Variants in TRPM3 observed in about 807,000 individuals in gnomAD.
TRPM3 encodes the protein transient receptor potential cation channel subfamily M member 3, also known as long transient receptor potential channel 3.
Under a neutral mutation model 181.2 loss-of-function variants are expected in TRPM3, and 77 were observed. That is an observed-to-expected ratio of 0.42 (90% CI 0.35 to 0.51). The LOEUF is 0.51. Among genes scored for constraint, TRPM3 ranks in the 20% least tolerant of loss-of-function variants. TRPM3 has a pLI of 0.01. For missense variants in TRPM3, 1,759 were observed against 2,196.7 expected (o/e 0.80, Z 3.98); for synonymous variants, 745 against 796.4 (o/e 0.94, Z 1.09).
chr9:70,958,487 A>G (rs2097102607), intron 1 of TRPM3, among the ~76,000 whole-genome samples: 1 of 151,992 alleles, frequency 6.6e-6, no homozygotes, highest in Non-Finnish European at 1.5e-5. Context: ...CTGGTGTGAG[A>G]TGGTATCTCA....
At chr9:70,909,156 A>G (rs950641777) in intron 1 of TRPM3, among the ~76,000 whole-genome samples, 4 of 152,264 alleles carry the variant, frequency 2.6e-5, no homozygotes, top group Non-Finnish European at 5.9e-5. Flanking sequence ...TGTAAGAAAT[A>G]AAATGCAAGT....
At chr9:70,630,537 G>A (rs2065631061) in intron 12 of TRPM3, among the ~76,000 whole-genome samples, 2 of 152,220 alleles carry the variant, frequency 1.3e-5, no homozygotes, top group South Asian at 4.1e-4. Flanking sequence ...ATGCCAACAG[G>A]TAAAGTCCAA....
chr9:71,115,070 T>C (rs2072028828), intron 1 of TRPM3, among the ~76,000 whole-genome samples: 1 of 152,248 alleles, frequency 6.6e-6, no homozygotes, highest in Non-Finnish European at 1.5e-5. Flanking sequence ...TGATCTTTCA[T>C]GATTACATTC....
chr9:71,404,747 C>T (rs1456838621), intron 1 of TRPM3, among the ~76,000 whole-genome samples: 1 of 152,162 alleles, frequency 6.6e-6, no homozygotes, highest in Non-Finnish European at 1.5e-5. Flanking sequence ...TCATGCAAAA[C>T]AAAAGACCCA....
At chr9:70,556,006 G>T (rs1018712936) in intron 22 of TRPM3, among the ~76,000 whole-genome samples, 25 of 152,196 alleles carry the variant, frequency 1.6e-4, no homozygotes, top group Non-Finnish European at 2.1e-4. Flanking sequence ...TGCTCTTTTT[G>T]ACCCTATATT....
At chr9:71,081,472 A>G (rs1356079207) in intron 1 of TRPM3, among the ~76,000 whole-genome samples, 1 of 152,176 alleles carries the variant, frequency 6.6e-6, no homozygotes, top group African/African-American at 2.4e-5. Context: ...CCCAGCACGT[A>G]AAAGTGCTTA....
At chr9:70,602,890 A>C (rs1195921968) in intron 20 of TRPM3, among the ~76,000 whole-genome samples, 7 of 152,230 alleles carry the variant, frequency 4.6e-5, no homozygotes, top group African/African-American at 1.4e-4. Flanking sequence ...CAGAATGTTA[A>C]GAAATAAACC....
At chr9:71,381,576 T>C (rs989993299) in intron 1 of TRPM3, among the ~76,000 whole-genome samples, 17 of 152,206 alleles carry the variant, frequency 1.1e-4, no homozygotes, top group African/African-American at 3.9e-4. Context: ...CTAGCTACCA[T>C]GTGTTGAAGG....
chr9:70,664,623 C>T (rs2061557828), intron 9 of TRPM3, among the ~76,000 whole-genome samples: 2 of 150,220 alleles, frequency 1.3e-5, no homozygotes, highest in South Asian at 4.2e-4. Flanking sequence ...GCCACAACCA[C>T]ACCCGATTAG....
intron 1 of TRPM3, among the ~76,000 whole-genome samples, chr9:71,415,137 CAG>C (rs1331856696): frequency 2.6e-5 from 4 of 151,964 alleles, no homozygotes; most frequent in East Asian, 1.9e-4. Context: ...ACCATGGAGG[CAG>C]AGAGTGGAGT....
chr9:71,004,917 T>C (rs1383140983), intron 1 of TRPM3, among the ~76,000 whole-genome samples: 2 of 151,940 alleles, frequency 1.3e-5, no homozygotes, highest in African/African-American at 4.8e-5. Context: ...AAATTACCTA[T>C]TCAAAGGAAC....
At chr9:71,380,825 ACCCCT>A (rs1290802576) in intron 1 of TRPM3, among the ~76,000 whole-genome samples, 1 of 152,002 alleles carries the variant, frequency 6.6e-6, no homozygotes, top group Non-Finnish European at 1.5e-5. Flanking sequence ...GGCCAAGAAG[ACCCCT>A]GAAGCTCTCA....
chr9:71,035,648 C>CA (rs2132822284), intron 1 of TRPM3, among the ~76,000 whole-genome samples: 1 of 152,212 alleles, frequency 6.6e-6, no homozygotes, highest in South Asian at 2.1e-4. Flanking sequence ...ACCCGGGAGG[C>CA]AGAGGTTGCA....
chr9:70,978,687 C>A (rs187388728), intron 1 of TRPM3, among the ~76,000 whole-genome samples: 1 of 152,254 alleles, frequency 6.6e-6, no homozygotes, highest in Non-Finnish European at 1.5e-5. Context: ...AATGTGCCGT[C>A]GGCATAATTT....
At chr9:71,268,473 A>C (rs2083544140) in intron 1 of TRPM3, among the ~76,000 whole-genome samples, 1 of 152,204 alleles carries the variant, frequency 6.6e-6, no homozygotes. Flanking sequence ...TATAGTACTT[A>C]GAACACAATG....
intron 1 of TRPM3, among the ~76,000 whole-genome samples, chr9:71,214,747 C>A (rs941898249): frequency 6.6e-6 from 1 of 152,112 alleles, no homozygotes; most frequent in African/African-American, 2.4e-5. Flanking sequence ...ATGGGACTAA[C>A]AACATATTCC....
chr9:70,946,983 T>C (rs1017431011), intron 1 of TRPM3, among the ~76,000 whole-genome samples: 4 of 152,226 alleles, frequency 2.6e-5, no homozygotes, highest in Non-Finnish European at 4.4e-5. Context: ...CACTTTTGAA[T>C]AGTTCCTAGA....
chr9:71,001,526 A>G (rs1432873504), intron 1 of TRPM3, among the ~76,000 whole-genome samples: 1 of 152,206 alleles, frequency 6.6e-6, no homozygotes, highest in African/African-American at 2.4e-5. Context: ...AGCTTGCTGA[A>G]TTACCTATGC....
intron 1 of TRPM3, among the ~76,000 whole-genome samples, chr9:71,395,338 G>C (rs2093164941): frequency 6.6e-6 from 1 of 152,202 alleles, no homozygotes; most frequent in Admixed American, 6.5e-5. Context: ...TTCCTCAGCG[G>C]AACTGTGGAC....
Sources: allele counts gnomAD v4.1 joint callset (sites outside exome capture counted in the v4.1 genomes callset), GRCh38; gene constraint gnomAD v4.1.1; transcripts MANE v1.5; gene names NCBI Gene and HGNC (gene_info 2026-07-23, HGNC 2026-07-21).